The following WDPCP variants were observed in gnomAD, a reference collection of about 807,000 sequenced individuals.
WDPCP encodes WD repeat containing planar cell polarity effector.
In WDPCP, 71 loss-of-function variants were observed where a neutral mutation model predicts 93.1. The observed-to-expected ratio is 0.76, with a 90% CI of 0.63 to 0.93. WDPCP has a LOEUF of 0.93. Ranked by LOEUF, WDPCP falls within the 40% of genes least tolerant of loss-of-function variation. The probability of loss-of-function intolerance (pLI) is 0.00; values close to 1 mark genes in which losing one functional copy is unlikely to be tolerated. For missense variants in WDPCP, 844 were observed against 887.4 expected, an observed-to-expected ratio of 0.95 and a Z score of 0.62; for synonymous variants, 315 against 315.0, an observed-to-expected ratio of 1.00 and a Z score of 0.00.
At chr2:63,509,124 A>C (rs1702064028) in intron 1 of WDPCP, among the ~76,000 whole-genome samples, 1 of 152,208 alleles carries the variant, frequency 6.6e-6, no homozygotes, top group Admixed American at 6.5e-5. Flanking sequence ...AGTCAACAGA[A>C]TACACATTCT....
At chr2:63,152,211 C>T in intron 17 of WDPCP, among the ~76,000 whole-genome samples, 1 of 151,296 alleles carries the variant, frequency 6.6e-6, no homozygotes, top group Non-Finnish European at 1.5e-5. Flanking sequence ...GAGAGAATGA[C>T]ATTTGCAAAC....
chr2:63,813,980 T>A (rs1478861889), intron 1 of WDPCP, among the ~76,000 whole-genome samples: 1 of 152,244 alleles, frequency 6.6e-6, no homozygotes, highest in Admixed American at 6.5e-5. Context: ...TCATAAATGT[T>A]TGCTGATAAC....
At chr2:63,572,726 A>AAAAAAAAAAAAAAAAAAAAAAAAAAAAT (rs56275317) in intron 1 of WDPCP, among the ~76,000 whole-genome samples, 1 of 144,864 alleles carries the variant, frequency 6.9e-6, no homozygotes, top group Non-Finnish European at 1.5e-5. Context: ...AAAAAAAAAA[A>AAAAAAAAAAAAAAAAAAAAAAAAAAAAT]GTTGGACAGC....
intron 2 of WDPCP, among the ~76,000 whole-genome samples, chr2:63,690,801 G>T (rs1392340104): frequency 6.6e-6 from 1 of 152,008 alleles, no homozygotes; most frequent in Non-Finnish European, 1.5e-5. Flanking sequence ...CAAGCAGATT[G>T]CTCCGAGGTA....
intron 3 of WDPCP, among the ~76,000 whole-genome samples, chr2:63,613,721 C>T (rs891583184): frequency 1.2e-4 from 18 of 152,104 alleles, no homozygotes; most frequent in Admixed American, 5.2e-4. Flanking sequence ...TTTGTCATGC[C>T]GAACACTTCT....
chr2:63,538,478 C>G (rs2106288668), intron 1 of WDPCP, among the ~76,000 whole-genome samples: 1 of 152,150 alleles, frequency 6.6e-6, no homozygotes, highest in East Asian at 1.9e-4. Context: ...AAAAAAATTG[C>G]CTTTGACAAA....
At chr2:63,799,459 C>G (rs1217652264) in intron 2 of WDPCP, among the ~76,000 whole-genome samples, 1 of 152,126 alleles carries the variant, frequency 6.6e-6, no homozygotes, top group Non-Finnish European at 1.5e-5. Context: ...ACCAAAGTAG[C>G]CTTGACTTCA....
chr2:63,399,119 T>A (rs1246706049), intron 10 of WDPCP, among the ~76,000 whole-genome samples: 1 of 152,188 alleles, frequency 6.6e-6, no homozygotes, highest in African/African-American at 2.4e-5. Context: ...TTAGATCTTT[T>A]AAAGAGCCTA....
chr2:63,805,030 A>AAAAAGAAAAG (rs1014255157), intron 2 of WDPCP, among the ~76,000 whole-genome samples: 2 of 152,118 alleles, frequency 1.3e-5, no homozygotes, highest in Non-Finnish European at 2.9e-5. Context: ...TCCATTTCAA[A>AAAAAGAAAAG]AAAAGAAAAG....
intron 14 of WDPCP, among the ~76,000 whole-genome samples, chr2:63,213,136 A>G (rs1225468377): frequency 6.6e-6 from 1 of 152,222 alleles, no homozygotes; most frequent in Non-Finnish European, 1.5e-5. Flanking sequence ...ATAGACAGCT[A>G]CAGAACTCTT....
At chr2:63,251,486 C>CTTTTTTTT (rs869243555) in intron 14 of WDPCP, among the ~76,000 whole-genome samples, 2 of 107,130 alleles carry the variant, frequency 1.9e-5, no homozygotes, top group Non-Finnish European at 3.8e-5. Flanking sequence ...AAAAGCCTAC[C>CTTTTTTTT]TTTTTTTTTT....
At chr2:63,199,851 T>C (rs1675765947) in intron 14 of WDPCP, among the ~76,000 whole-genome samples, 1 of 152,164 alleles carries the variant, frequency 6.6e-6, no homozygotes, top group African/African-American at 2.4e-5. Flanking sequence ...TAACTTGTAC[T>C]GTGCACCTGG....
At chr2:63,712,799 C>G (rs145469330) in intron 2 of WDPCP, among the ~76,000 whole-genome samples, 13 of 152,274 alleles carry the variant, frequency 8.5e-5, no homozygotes, top group East Asian at 3.9e-4. Flanking sequence ...ATAATCTGAT[C>G]GAGGGTTCAT....
At chr2:63,286,090 C>T (rs746533769) in intron 13 of WDPCP, among the ~76,000 whole-genome samples, 32 of 152,084 alleles carry the variant, frequency 2.1e-4, no homozygotes, top group Admixed American at 8.5e-4. Flanking sequence ...ACTGCAGCCT[C>T]GAACTCTTAG....
intron 9 of WDPCP, among the ~76,000 whole-genome samples, chr2:63,424,847 A>G: frequency 6.6e-6 from 1 of 152,086 alleles, no homozygotes. Flanking sequence ...ATACCTAACA[A>G]AGGTATTGGG....
intron 14 of WDPCP, among the ~76,000 whole-genome samples, chr2:63,177,090 C>T (rs1673867294): frequency 6.6e-6 from 1 of 152,140 alleles, no homozygotes; most frequent in South Asian, 2.1e-4. Context: ...TATCTGGGCT[C>T]TCAATTCTGT....
chr2:63,523,704 G>A (rs867660084), intron 1 of WDPCP, among the ~76,000 whole-genome samples: 34 of 152,188 alleles, frequency 2.2e-4, no homozygotes, highest in African/African-American at 7.7e-4. Flanking sequence ...CTGAGGTCAG[G>A]AGTTCGAGAC....
At chr2:63,654,853 A>C (rs1261016927) in intron 2 of WDPCP, among the ~76,000 whole-genome samples, 2 of 151,104 alleles carry the variant, frequency 1.3e-5, no homozygotes, top group Non-Finnish European at 2.9e-5. Context: ...TTTAATTTTC[A>C]AATATTTTGA....
intron 13 of WDPCP, among the ~76,000 whole-genome samples, chr2:63,302,113 A>C (rs1444559447): frequency 3.3e-5 from 5 of 152,188 alleles, no homozygotes; most frequent in Non-Finnish European, 5.9e-5. Flanking sequence ...ACAGGACCTT[A>C]GGCAAATAAA....
Sources: allele counts gnomAD v4.1 joint callset (sites outside exome capture counted in the v4.1 genomes callset), GRCh38; gene constraint gnomAD v4.1.1; transcripts MANE v1.5; gene names NCBI Gene and HGNC (gene_info 2026-07-23, HGNC 2026-07-21).